Variants in ZNF462 observed in about 807,000 individuals in gnomAD.
The protein encoded by ZNF462 is zinc finger PBX1-interacting protein.
Under a neutral mutation model 201.9 loss-of-function variants are expected in ZNF462, and 10 were observed. The observed-to-expected ratio is 0.05, with a 90% CI of 0.03 to 0.08. ZNF462 has a LOEUF of 0.08. Among genes scored for constraint, ZNF462 ranks in the 10% least tolerant of loss-of-function variants. The probability of loss-of-function intolerance (pLI) is 1.00; values close to 1 mark genes in which losing one functional copy is unlikely to be tolerated. For missense variants in ZNF462, 2,523 were observed against 3,168.3 expected (o/e 0.80, Z 4.89); for synonymous variants, 1,227 against 1,193.3 (o/e 1.03, Z -0.58).
intron 1 of ZNF462, among the ~76,000 whole-genome samples, chr9:106,887,447 G>T (rs1828370129): frequency 6.6e-6 from 1 of 152,160 alleles, no homozygotes; most frequent in African/African-American, 2.4e-5. Context: ...TGGAACCTTG[G>T]TTCCCTGACC....
At chr9:106,969,449 A>C (rs1826472876) in intron 7 of ZNF462, among the ~76,000 whole-genome samples, 1 of 152,216 alleles carries the variant, frequency 6.6e-6, no homozygotes. Flanking sequence ...AGACAAGATA[A>C]AAATGTGTTA....
intron 7 of ZNF462, among the ~76,000 whole-genome samples, chr9:106,955,700 A>G (rs573516878): frequency 1.2e-4 from 19 of 152,284 alleles, no homozygotes; most frequent in African/African-American, 4.6e-4. Context: ...CCCTGCCACT[A>G]CTTTATCAGC....
At chr9:106,988,972 T>C (rs765112180) in intron 10 of ZNF462, among the ~76,000 whole-genome samples, 1 of 152,128 alleles carries the variant, frequency 6.6e-6, no homozygotes, top group African/African-American at 2.4e-5. Flanking sequence ...AATGATCATA[T>C]CATCAGCAAA....
At chr9:106,901,827 G>T (rs1002465295) in intron 1 of ZNF462, among the ~76,000 whole-genome samples, 2 of 152,104 alleles carry the variant, frequency 1.3e-5, no homozygotes, top group African/African-American at 4.8e-5. Context: ...GGAGTTCTTA[G>T]GGTTTTCAAG....
chr9:106,939,118 G>A lies in ZNF462; in HGVS notation c.6427+11G>A. On this transcript the variant is annotated intron_variant, in intron 7 of 12. Coordinates refer to ENST00000277225, the MANE Select transcript of ZNF462 (RefSeq NM_021224.6). The stretch of plus-strand genomic sequence containing the variant: ...TGGAAGACTCCAATGGTAAAAATGG[G>A]CTTCCAAGCTGGAATTAACCACTCA... 1 of 1,573,666 alleles carries A rather than the reference G, an allele frequency of 6.4e-7. No homozygotes were observed. Among genetic ancestry groups the A allele is most frequent in the Non-Finnish European group, 8.6e-7 (1 of 1,160,008 alleles).
rs1564115082 is a variant in ZNF462 at position 106,933,718 on chromosome 9, CAAAG to C, written c.6116+1172_6116+1175del. Among the ~76,000 whole-genome samples the C allele has an allele frequency of 6.6e-6, 1 of 151,946 alleles. No homozygotes were observed. Among genetic ancestry groups the C allele is most frequent in the Admixed American group, 6.5e-5 (1 of 15,270 alleles). The stretch of plus-strand genomic sequence containing the variant: ...ATATCAGTAAAATACTATGATGTGT[CAAAG>C]AAGAGAAATGTTACATCAGCTTTGG... On this transcript the variant is annotated intron_variant, in intron 5 of 12. Transcript: ENST00000277225. The surrounding 1 kb of genome is among the most constrained non-coding windows in gnomAD (Gnocchi z 4.3).
At chr9:106,986,310 A>C (rs962796559) in intron 10 of ZNF462, among the ~76,000 whole-genome samples, 3 of 152,188 alleles carry the variant, frequency 2.0e-5, no homozygotes, top group African/African-American at 7.2e-5. Flanking sequence ...AACCAAAAAG[A>C]TCTGGGTTTT....
At position 106,883,982 on chromosome 9, in the gene ZNF462, A is replaced by G. The variant is rs1828210958; in HGVS notation, c.-31+20627A>G. 6.6e-6 allele frequency among the ~76,000 whole-genome samples: 1 copy of G among 152,214 alleles called. No homozygotes were observed. On this transcript the variant is annotated intron_variant, in intron 1 of 12. Coordinates refer to ENST00000277225, the MANE Select transcript of ZNF462 (RefSeq NM_021224.6). This position sits in a 1 kb window ranked among gnomAD's most constrained non-coding sequence, Gnocchi z 4.9. ...TTCATTGCTCATAAAAAAATGTTTAAGCAACCACAAGTGTGTATATATGGT... is the reference window on the plus strand; with the variant it reads ...TTCATTGCTCATAAAAAAATGTTTAGGCAACCACAAGTGTGTATATATGGT...
At chr9:106,918,737 AC>A (rs1232540407) in intron 1 of ZNF462, among the ~76,000 whole-genome samples, 2 of 152,168 alleles carry the variant, frequency 1.3e-5, no homozygotes, top group East Asian at 3.8e-4. Flanking sequence ...ATCTGCAAAT[AC>A]ATTTTTTAGA....
At position 106,902,993 on chromosome 9, in the gene ZNF462, T is replaced by C. The variant is rs2131204378; in HGVS notation, c.-30-20361T>C. On this transcript the variant is annotated intron_variant, in intron 1 of 12. Transcript: ENST00000277225. This position sits in a 1 kb window ranked among gnomAD's most constrained non-coding sequence, Gnocchi z 4.2. ...GGGTTTGGGTTTGGTTTATTCTTATTTATCTGTTTCCTTGAGGTGTGACCT... is the reference window on the plus strand; with the variant it reads ...GGGTTTGGGTTTGGTTTATTCTTATCTATCTGTTTCCTTGAGGTGTGACCT... 6.6e-6 allele frequency among the ~76,000 whole-genome samples: 1 copy of C among 152,282 alleles called. No homozygotes were observed. The highest frequency in any genetic ancestry group is 2.1e-4 in the South Asian group (1 of 4,828).
At chr9:106,869,201 G>T (rs544544273) in intron 1 of ZNF462, among the ~76,000 whole-genome samples, 1 of 152,310 alleles carries the variant, frequency 6.6e-6, no homozygotes, top group South Asian at 2.1e-4. Flanking sequence ...ATGCCATTTT[G>T]TAATACTGAT....
At chr9:106,909,721 G>A (rs1829462989) in intron 1 of ZNF462, among the ~76,000 whole-genome samples, 1 of 152,056 alleles carries the variant, frequency 6.6e-6, no homozygotes, top group African/African-American at 2.4e-5. Flanking sequence ...AAAAGTCAGA[G>A]GACACCTGAC....
rs1313715515 is a variant in ZNF462 at position 106,870,062 on chromosome 9, G to C, written c.-31+6707G>C. Among the ~76,000 whole-genome samples the C allele has an allele frequency of 6.6e-6, 1 of 152,160 alleles. No individual in the cohort carries two copies. The highest frequency in any genetic ancestry group is 1.9e-4 in the East Asian group (1 of 5,182). ...TTTCTAAGTCCTCCTATTCTCATCAGCTGAAGCACGTACAGGATTTTTAAA... is the reference window on the plus strand; with the variant it reads ...TTTCTAAGTCCTCCTATTCTCATCACCTGAAGCACGTACAGGATTTTTAAA... On this transcript the variant is annotated intron_variant, in intron 1 of 12. Coordinates refer to ENST00000277225, the MANE Select transcript of ZNF462 (RefSeq NM_021224.6). The surrounding 1 kb of genome is among the most constrained non-coding windows in gnomAD (Gnocchi z 4.3).
chr9:107,010,943 C>T lies in ZNF462; in HGVS notation c.7434C>T (p.Asp2478=). ...EKEDDEAIGI[D]FSLKNETVAI... ...AAGATGACGAGGCCATTGGGATAGA[C>T]TTTTCCCTAAAGAATGAAACAGTAG... The change falls in exon 13 of 13, where the codon GAC becomes GAT. Residue 2478 remains aspartate, a synonymous_variant. Coordinates refer to ENST00000277225, the MANE Select transcript of ZNF462 (RefSeq NM_021224.6). This position sits in a 1 kb window ranked among gnomAD's most constrained non-coding sequence, Gnocchi z 4.6. The T allele has an allele frequency of 6.2e-7, 1 of 1,613,728 alleles. No homozygotes were observed. Among genetic ancestry groups the T allele is most frequent in the Non-Finnish European group, 8.5e-7 (1 of 1,179,856 alleles).
At chr9:106,910,214 T>G (rs1829484258) in intron 1 of ZNF462, among the ~76,000 whole-genome samples, 1 of 152,114 alleles carries the variant, frequency 6.6e-6, no homozygotes, top group Non-Finnish European at 1.5e-5. Flanking sequence ...TGCTGATGTC[T>G]TGTCATCTTG....
chr9:106,928,904 C>G lies in ZNF462; in HGVS notation c.4992C>G (p.Leu1664=). ...CCCACACTGTGTTCCGGTGCCAGCT[C>G]TGCAAGTACTTCTGCTCCACGAGGA... ...LVSHTVFRCQ[L]CKYFCSTRKG... Residue 1664 remains leucine (L), a synonymous_variant, in exon 3 of 13, where the codon CTC becomes CTG. Coordinates refer to ENST00000277225, the MANE Select transcript of ZNF462 (RefSeq NM_021224.6). This position sits in a 1 kb window ranked among gnomAD's most constrained non-coding sequence, Gnocchi z 9.3. 6.2e-7 allele frequency: 1 copy of G among 1,614,116 alleles called. No homozygotes were observed. Among genetic ancestry groups the G allele is most frequent in the Non-Finnish European group, 8.5e-7 (1 of 1,180,036 alleles).
In ZNF462 at chr9:107,010,720, G is replaced by C; in HGVS notation, c.7314-103G>C. 3 of 1,169,672 alleles carry C rather than the reference G, an allele frequency of 2.6e-6. No homozygotes were observed. The highest frequency in any genetic ancestry group is 2.9e-5 in the Admixed American group (1 of 34,484). 72.5% of individuals were successfully genotyped at this position (1,169,672 alleles called of 1,614,324 possible). A position where few individuals can be genotyped will look rare whatever the true frequency, so the allele number is the denominator to read the frequency against. ...AAAGGAAACCCCAAGGCTTTTTGAG[G>C]ATCAGGAAAATAAAGACACTCGAGG... On this transcript the variant is annotated intron_variant, in intron 12 of 12. Coordinates refer to ENST00000277225, the MANE Select transcript of ZNF462 (RefSeq NM_021224.6). The surrounding 1 kb of genome is among the most constrained non-coding windows in gnomAD (Gnocchi z 4.6).
Position 106,928,245 on chromosome 9 carries a change from C to A in ZNF462, c.4333C>A (p.Pro1445Thr). The change falls in exon 3 of 13, where the codon CCA becomes ACA. Residue 1445 changes from proline to threonine, a missense_variant. This residue lies in a region of ZNF462 where 165 missense variants were observed against 142.6 expected (regional missense o/e 1.16). Transcript: ENST00000277225. The surrounding 1 kb of genome is among the most constrained non-coding windows in gnomAD (Gnocchi z 9.3). ...TTTCCCGGAGCAGGAAGCTGAATGT[C>A]CAGAGGATGCAAGACTGTCCCCTGA... The part of the protein sequence containing the change: ...TPFPEQEAEC[P>T]EDARLSPEKS... The A allele has an allele frequency of 6.2e-7, 1 of 1,614,080 alleles. No individual in the cohort carries two copies. Among genetic ancestry groups the A allele is most frequent in the Non-Finnish European group, 8.5e-7 (1 of 1,180,018 alleles).
In ZNF462 at chr9:106,902,521, C is replaced by T. The variant is rs754519780; in HGVS notation, c.-30-20833C>T. Among the ~76,000 whole-genome samples, 8 of 151,920 alleles carry T rather than the reference C, an allele frequency of 5.3e-5. No individual in the cohort carries two copies. In the South Asian group the frequency reaches 1.0e-3, roughly 20 times the overall value. On this transcript the variant is annotated intron_variant, in intron 1 of 12. Transcript: ENST00000277225. This position sits in a 1 kb window ranked among gnomAD's most constrained non-coding sequence, Gnocchi z 4.2. ...GGTACAAATTCTTTTTTGAATGTCT[C>T]GTAGAATTCTGCTGTGAATCCATCT... is the stretch of plus-strand genomic sequence containing the variant.
Sources: allele counts gnomAD v4.1 joint callset (sites outside exome capture counted in the v4.1 genomes callset), GRCh38; gene constraint gnomAD v4.1.1; regional missense constraint gnomAD v4.1.1; non-coding constraint Gnocchi (gnomAD v3.1); transcripts MANE v1.5; gene names NCBI Gene and HGNC (gene_info 2026-07-23, HGNC 2026-07-21).